The following KANK1 variants were observed in gnomAD, a reference collection of about 807,000 sequenced individuals.
The protein encoded by KANK1 is KN motif and ankyrin repeat domain-containing protein 1.
In KANK1, 109 loss-of-function variants were observed where a neutral mutation model predicts 106.2. The observed-to-expected ratio is 1.03, with a 90% CI of 0.88 to 1.20. The LOEUF (loss-of-function observed/expected upper bound fraction) is 1.20. KANK1 is among the 50% of genes most tolerant of loss of function. The pLI is 0.00. For missense variants in KANK1, 2,399 were observed against 1,710.7 expected (o/e 1.40, Z -7.10); for synonymous variants, 873 against 652.2 (o/e 1.34, Z -5.16).
At chr9:577,113 A>T (rs754409491) in intron 1 of KANK1, among the ~76,000 whole-genome samples, 4 of 152,240 alleles carry the variant, frequency 2.6e-5, no homozygotes, top group Non-Finnish European at 5.9e-5. Flanking sequence ...AAGACTGAGC[A>T]GCAGCAAGAT....
intron 2 of KANK1, among the ~76,000 whole-genome samples, chr9:709,143 A>C (rs80087983): frequency 0.021 from 3,147 of 152,332 alleles, 106 homozygotes; most frequent in African/African-American, 0.072. Flanking sequence ...TGTTTTGTCC[A>C]AAAGGAGTCA....
chr9:668,364 G>T (rs1338220720), intron 1 of KANK1, among the ~76,000 whole-genome samples: 1 of 119,154 alleles, frequency 8.4e-6, no homozygotes, highest in African/African-American at 3.2e-5. Flanking sequence ...CTCTCTCTTT[G>T]TATCTATTAA....
chr9:645,107 G>C (rs1304512225), intron 1 of KANK1, among the ~76,000 whole-genome samples: 1 of 127,940 alleles, frequency 7.8e-6, no homozygotes, highest in Non-Finnish European at 1.6e-5. Flanking sequence ...CTCAGCAACG[G>C]GGCAAGACTC....
At chr9:588,425 A>G (rs117548324) in intron 1 of KANK1, among the ~76,000 whole-genome samples, 5 of 152,322 alleles carry the variant, frequency 3.3e-5, no homozygotes, top group Non-Finnish European at 2.9e-5. Context: ...TTGCTGAACA[A>G]TGATAGAATG....
intron 1 of KANK1, among the ~76,000 whole-genome samples, chr9:652,422 C>T (rs562140751): frequency 2.1e-4 from 32 of 152,288 alleles, no homozygotes; most frequent in African/African-American, 7.5e-4. Flanking sequence ...ACTCAGGAGG[C>T]TGAGGCAAGA....
At position 710,884 on chromosome 9, in the gene KANK1, C is replaced by T; in HGVS notation, c.118C>T (p.Gln40Ter). The part of the protein sequence containing the change: ...PYFVETPYGY[Q>*]LDLDFLKYVD... ...CTTTGTGGAGACCCCCTATGGTTAT[C>T]AACTAGACTTAGATTTCCTCAAATA... Residue 40 changes from glutamine (Q) to a stop codon, truncating the protein, a stop_gained, in exon 3 of 12, where the codon CAA becomes TAA. Coordinates refer to ENST00000382297, the MANE Select transcript of KANK1 (RefSeq NM_015158.5). LOFTEE classifies it high-confidence loss of function. 6.2e-7 allele frequency: 1 copy of T among 1,614,020 alleles called. No homozygotes were observed. The highest frequency in any genetic ancestry group is 2.2e-5 in the East Asian group (1 of 44,872).
intron 3 of KANK1, among the ~76,000 whole-genome samples, chr9:486,560 A>T (rs540935260): frequency 6.6e-6 from 1 of 152,356 alleles, no homozygotes; most frequent in East Asian, 1.9e-4. Context: ...GCCTGTGAGT[A>T]GCAGAGGCAG....
At chr9:503,254 G>A (rs529490441), upstream of KANK1, among the ~76,000 whole-genome samples, 5 of 152,116 alleles carry the variant, frequency 3.3e-5, no homozygotes, top group East Asian at 7.7e-4. Flanking sequence ...GGTGGTGGTG[G>A]TGGGGGATTT....
intron 2 of KANK1, among the ~76,000 whole-genome samples, chr9:686,399 G>T (rs766342546): frequency 6.6e-6 from 1 of 152,166 alleles, no homozygotes; most frequent in Non-Finnish European, 1.5e-5. Flanking sequence ...GGAGGCAGAA[G>T]TACCTGCTGA....
In KANK1 at chr9:745,570, C is replaced by G. The variant is rs747229421; in HGVS notation, c.*335C>G. 3 of 180,066 alleles carry G rather than the reference C, an allele frequency of 1.7e-5. No individual in the cohort carries two copies. Among genetic ancestry groups the G allele is most frequent in the African/African-American group, 7.1e-5 (3 of 42,548 alleles). 11.2% of individuals were successfully genotyped at this position (180,066 alleles called of 1,614,324 possible). ...AAGTGGTGTCTGGTTCTCACTGAGA[C>G]GTTTTAAGATTTTTCCACAAATATT... On this transcript the variant is annotated 3_prime_UTR_variant, in exon 12 of 12. Transcript: ENST00000382297.
At chr9:673,099 G>A (rs140283022) in intron 1 of KANK1, among the ~76,000 whole-genome samples, 7 of 151,744 alleles carry the variant, frequency 4.6e-5, no homozygotes, top group Admixed American at 1.3e-4. Flanking sequence ...ATTTGAGGCC[G>A]CCTGTCAGCA....
At chr9:651,347 C>G (rs1310926504) in intron 1 of KANK1, among the ~76,000 whole-genome samples, 1 of 152,096 alleles carries the variant, frequency 6.6e-6, no homozygotes, top group African/African-American at 2.4e-5. Context: ...GAAAAATTTT[C>G]TGTCTTTTTA....
At chr9:602,181 C>T (rs567898818) in intron 1 of KANK1, among the ~76,000 whole-genome samples, 2 of 152,028 alleles carry the variant, frequency 1.3e-5, no homozygotes, top group South Asian at 4.1e-4. Context: ...CATTAGCATC[C>T]AGACATTTTT....
chr9:667,734 G>GTTT (rs556839095), intron 1 of KANK1, among the ~76,000 whole-genome samples: 17 of 67,410 alleles, frequency 2.5e-4, no homozygotes, highest in South Asian at 8.9e-4. Flanking sequence ...ATTTCCAAAG[G>GTTT]TTTTTTTGTT....
intron 3 of KANK1, among the ~76,000 whole-genome samples, chr9:718,366 G>A (rs1828331084): frequency 7.0e-6 from 1 of 141,878 alleles, no homozygotes; most frequent in Admixed American, 7.4e-5. Context: ...AGGCTAGAGT[G>A]CAGTGGCATG....
intron 1 of KANK1, among the ~76,000 whole-genome samples, chr9:566,076 C>G (rs1387822670): frequency 6.6e-6 from 1 of 152,200 alleles, no homozygotes; most frequent in African/African-American, 2.4e-5. Context: ...CCCATGTGTT[C>G]TCATCATTTA....
intron 3 of KANK1, among the ~76,000 whole-genome samples, chr9:715,510 G>A (rs557961934): frequency 1.8e-4 from 28 of 152,132 alleles, no homozygotes; most frequent in Non-Finnish European, 3.4e-4. Flanking sequence ...CTCTGAGCAC[G>A]GAGACCAGGG....
At position 732,679 on chromosome 9, in the gene KANK1, G is replaced by C. The variant is rs545788772; in HGVS notation, c.3245+62G>C. On this transcript the variant is annotated intron_variant, in intron 6 of 11. Transcript: ENST00000382297. ...ACATTTAATGTACTTTGGCAATAGA[G>C]TTGGCCAGTTCAGAGCTTTTGTAAT... 3.2e-6 allele frequency: 5 copies of C among 1,572,042 alleles called. No homozygotes were observed. The Admixed American group carries it at 8.6e-5, about 27-fold the overall frequency.
intron 1 of KANK1, among the ~76,000 whole-genome samples, chr9:620,981 G>C (rs1269403111): frequency 6.6e-6 from 1 of 152,042 alleles, no homozygotes; most frequent in Non-Finnish European, 1.5e-5. Flanking sequence ...TAAGCCTCTT[G>C]AATCAAATTC....
Sources: allele counts gnomAD v4.1 joint callset (sites outside exome capture counted in the v4.1 genomes callset), GRCh38; gene constraint gnomAD v4.1.1; transcripts MANE v1.5; gene names NCBI Gene and HGNC (gene_info 2026-07-23, HGNC 2026-07-21).